SYTL5: variants seen among roughly 807,000 people sequenced by gnomAD.
SYTL5 encodes synaptotagmin like 5.
Under a neutral mutation model 55.9 loss-of-function variants are expected in SYTL5, and 34 were observed. That is an observed-to-expected ratio of 0.61 (90% confidence interval 0.46 to 0.81). SYTL5 has a LOEUF of 0.81. Ranked by LOEUF, SYTL5 falls within the 30% of genes least tolerant of loss-of-function variation. The probability of loss-of-function intolerance (pLI) is 0.00; values close to 1 mark genes in which losing one functional copy is unlikely to be tolerated. For synonymous variants in SYTL5, 221 were observed against 188.7 expected, an observed-to-expected ratio of 1.17 and a Z score of -1.40; for missense variants, 637 against 546.7, an observed-to-expected ratio of 1.17 and a Z score of -1.65.
intron 2 of SYTL5, among the ~76,000 whole-genome samples, chrX:38,051,489 A>G (rs758013234): frequency 9.0e-6 from 1 of 111,594 alleles, no homozygotes; most frequent in South Asian, 3.8e-4. Flanking sequence ...CAAATATTCC[A>G]TCTATTTTAG....
intron 3 of SYTL5, among the ~76,000 whole-genome samples, chrX:38,065,890 A>G (rs980872057): frequency 9.0e-6 from 1 of 111,565 alleles, no homozygotes; most frequent in Non-Finnish European, 1.9e-5. Flanking sequence ...ACTTGAGGTC[A>G]GGAGTTTGAG....
chrX:38,116,915 A>G (rs1039979424), intron 13 of SYTL5, among the ~76,000 whole-genome samples: 23 of 112,483 alleles, frequency 2.0e-4, no homozygotes, highest in African/African-American at 7.4e-4. Context: ...TCAGCAGTTA[A>G]CTAAGTGTGA....
In SYTL5 at chrX:38,127,306, C is replaced by A. The variant is rs975691199; in HGVS notation, c.*576C>A. On this transcript the variant is annotated 3_prime_UTR_variant, in exon 17 of 17. Transcript: ENST00000297875. Reference sequence around the variant, plus strand: ...CTATGATTACTATAGAATTTATCATCTAAATCAGTTTACTTTTTAGAACAA... The same window carrying A: ...CTATGATTACTATAGAATTTATCATATAAATCAGTTTACTTTTTAGAACAA... The A allele has an allele frequency of 8.9e-6, 1 of 112,016 alleles. No individual in the cohort carries two copies. Among genetic ancestry groups the A allele is most frequent in the African/African-American group, 3.2e-5 (1 of 30,782 alleles). The allele number at this position is 112,016 out of a possible 1,213,427, so 9.2% of individuals were successfully genotyped here.
intron 1 of SYTL5, among the ~76,000 whole-genome samples, chrX:38,018,804 G>A (rs1003376021): frequency 9.0e-6 from 1 of 111,264 alleles, no homozygotes; most frequent in African/African-American, 3.3e-5. Context: ...CACCCACATC[G>A]AAGAGGTCAC....
Position 38,125,339 on chromosome X carries a change from C to G in SYTL5, c.1883C>G (p.Thr628Ser), listed in dbSNP as rs1475358954. Residue 628 changes from threonine to serine, a missense_variant, in exon 16 of 17, where the codon ACT becomes AGT. Thr to Ser is a moderately conservative substitution (Grantham distance 58). Coordinates refer to ENST00000297875, the MANE Select transcript of SYTL5 (RefSeq NM_138780.3). ...PDDSKATKHK[T>S]LVIKKSVNPQ... ...GATAGCAAAGCCACCAAGCACAAAA[C>G]TCTGGTAATAAAAAAGAGTGTTAAC... The G allele has an allele frequency of 6.6e-6, 8 of 1,211,716 alleles. No homozygotes were observed. Among genetic ancestry groups the G allele is most frequent in the Non-Finnish European group, 8.9e-6 (8 of 895,409 alleles).
At chrX:38,092,710 C>A (rs1054151650) in intron 7 of SYTL5, among the ~76,000 whole-genome samples, 2 of 111,232 alleles carry the variant, frequency 1.8e-5, no homozygotes, top group African/African-American at 6.6e-5. Flanking sequence ...AACACCCTTA[C>A]AGACGCACCC....
chrX:38,113,262 A>G (rs1937402709), intron 13 of SYTL5, among the ~76,000 whole-genome samples: 1 of 112,460 alleles, frequency 8.9e-6, no homozygotes, highest in African/African-American at 3.2e-5. Context: ...ATTGCCTTTC[A>G]TGCCTTCCCA....
chrX:38,077,091 A>C (rs771214458), intron 6 of SYTL5, among the ~76,000 whole-genome samples: 142 of 111,953 alleles, frequency 1.3e-3, no homozygotes, highest in African/African-American at 4.4e-3. Flanking sequence ...AATAATTTTA[A>C]ATTTGAATTT....
intron 2 of SYTL5, among the ~76,000 whole-genome samples, chrX:38,048,996 A>G (rs755506084): frequency 1.3e-3 from 151 of 112,134 alleles, no homozygotes; most frequent in Non-Finnish European, 2.5e-3. Context: ...TCAGGCAAAT[A>G]TGAAATACCA....
the SYTL5 span, among the ~76,000 whole-genome samples, chrX:37,929,911 G>A: frequency 1.8e-5 from 2 of 112,326 alleles, no homozygotes; most frequent in East Asian, 5.6e-4. Flanking sequence ...AGGCTGCACA[G>A]AGGTTAACTG....
chrX:37,976,595 G>T, the SYTL5 span, among the ~76,000 whole-genome samples: 3 of 111,506 alleles, frequency 2.7e-5, no homozygotes, highest in East Asian at 2.8e-4. Context: ...TTAGTAGCTA[G>T]ATTTTAAATA....
At chrX:37,893,974 C>T in the SYTL5 span, among the ~76,000 whole-genome samples, 2 of 108,845 alleles carry the variant, frequency 1.8e-5, no homozygotes, top group African/African-American at 6.7e-5. Flanking sequence ...ATCAGTACTA[C>T]TTTATCTTAC....
At chrX:38,112,803 G>C (rs1009118441) in intron 13 of SYTL5, among the ~76,000 whole-genome samples, 2 of 111,649 alleles carry the variant, frequency 1.8e-5, no homozygotes, top group Non-Finnish European at 1.9e-5. Context: ...TTCCTGCCTC[G>C]GTCATTTCCA....
At chrX:38,073,805 A>T (rs1277515260) in intron 5 of SYTL5, 107 bp downstream of exon 5, 6 of 464,301 alleles carry the variant, frequency 1.3e-5, no homozygotes, top group Non-Finnish European at 2.1e-5. Flanking sequence ...GACCCAGAGG[A>T]GGTCAGAGAC....
the SYTL5 span, among the ~76,000 whole-genome samples, chrX:37,911,123 A>G: frequency 1.9e-5 from 2 of 107,747 alleles, no homozygotes; most frequent in African/African-American, 6.8e-5. Flanking sequence ...CTGCCACCAT[A>G]CCCAGCTAAT....
intron 2 of SYTL5, among the ~76,000 whole-genome samples, chrX:38,039,021 T>C (rs934469780): frequency 4.5e-5 from 5 of 111,802 alleles, no homozygotes; most frequent in Admixed American, 2.9e-4. Flanking sequence ...GTGGGACTGG[T>C]CTTTGGGGAC....
chrX:38,106,457 T>C (rs1215783995), intron 10 of SYTL5, 136 bp from the exon 11 acceptor site: 4 of 516,983 alleles, frequency 7.7e-6, no homozygotes, highest in African/African-American at 7.4e-5. Context: ...AACAAGTGAC[T>C]CTTGTTTTCT....
chrX:37,914,775 C>T, the SYTL5 span, among the ~76,000 whole-genome samples: 6 of 111,966 alleles, frequency 5.4e-5, no homozygotes, highest in Non-Finnish European at 9.4e-5. Context: ...CCATCACCAA[C>T]AAAGATGCTG....
At chrX:38,049,519 G>A (rs917090405) in intron 2 of SYTL5, among the ~76,000 whole-genome samples, 3 of 110,791 alleles carry the variant, frequency 2.7e-5, no homozygotes, top group Non-Finnish European at 5.7e-5. Context: ...CTTGATCCAG[G>A]ATGGTTCATT....
Sources: allele counts gnomAD v4.1 joint callset (sites outside exome capture counted in the v4.1 genomes callset), GRCh38; gene constraint gnomAD v4.1.1; transcripts MANE v1.5; gene names NCBI Gene and HGNC (gene_info 2026-07-23, HGNC 2026-07-21).